The following ITCH variants were observed in gnomAD, a reference collection of about 807,000 sequenced individuals.
The protein encoded by ITCH is E3 ubiquitin-protein ligase Itchy homolog.
In ITCH, 28 loss-of-function variants were observed where a neutral mutation model predicts 126.8. That is an observed-to-expected ratio of 0.22 (90% CI 0.16 to 0.30). The LOEUF (loss-of-function observed/expected upper bound fraction) is 0.30. ITCH is among the 10% of genes least tolerant of loss of function. The pLI is 1.00. For missense variants in ITCH, 631 were observed against 1,032.4 expected (o/e 0.61, Z 5.33); for synonymous variants, 342 against 340.0 (o/e 1.01, Z -0.06).
intron 2 of ITCH, chr20:34,384,248 G>A (rs2038183089): frequency 3.3e-5 from 1 of 30,132 alleles, no homozygotes; most frequent in Non-Finnish European, 5.9e-5. Context: ...AAATACCAGT[G>A]CAGCAGTTGG....
chr20:34,489,442 G>A (rs909975168), intron 21 of ITCH, 56 bp downstream of exon 21: 2 of 1,535,708 alleles, frequency 1.3e-6, no homozygotes, highest in Non-Finnish European at 1.8e-6. Context: ...GCCTTAAGTT[G>A]TCTGCTTTTA....
chr20:34,487,245 C>G (rs925548143), intron 20 of ITCH, among the ~76,000 whole-genome samples: 1 of 152,038 alleles, frequency 6.6e-6, no homozygotes, highest in Admixed American at 6.5e-5. Context: ...ATCTCCTGAC[C>G]TCGTGATCCC....
chr20:34,398,343 G>A (rs1317574768), intron 3 of ITCH, among the ~76,000 whole-genome samples: 1 of 151,562 alleles, frequency 6.6e-6, no homozygotes, highest in Non-Finnish European at 1.5e-5. Flanking sequence ...TATTAGAGGT[G>A]TGAGCCACCT....
chr20:34,506,552 T>A (rs993539188), intron 24 of ITCH, among the ~76,000 whole-genome samples: 8 of 152,162 alleles, frequency 5.3e-5, no homozygotes, highest in African/African-American at 1.7e-4. Context: ...ATAACTATTG[T>A]GAACTGTGCA....
chr20:34,444,473 C>T lies in ITCH; in HGVS notation c.966-814C>T, dbSNP rs555903886. Among the ~76,000 whole-genome samples the T allele has an allele frequency of 5.3e-5, 8 of 152,172 alleles. No homozygotes were observed. The East Asian group carries it at 1.4e-3, about 26-fold the overall frequency. ...TGACGCATGCCTGTAATCACAGCTA[C>T]TCAGGAGGCTGAGGCAGGAGAATCG... On this transcript the variant is annotated intron_variant, in intron 10 of 24. Transcript: ENST00000374864.
At chr20:34,430,001 A>G (rs1982071842) in intron 7 of ITCH, among the ~76,000 whole-genome samples, 1 of 152,232 alleles carries the variant, frequency 6.6e-6, no homozygotes, top group South Asian at 2.1e-4. Flanking sequence ...GAAATCTTTA[A>G]TCATAATATT....
chr20:34,433,719 A>C (rs552137219), intron 7 of ITCH, among the ~76,000 whole-genome samples: 1 of 152,108 alleles, frequency 6.6e-6, no homozygotes, highest in East Asian at 1.9e-4. Context: ...TAGTATGTCT[A>C]TATATAATTT....
At chr20:34,446,390 C>G (rs573509022) in intron 11 of ITCH, among the ~76,000 whole-genome samples, 2 of 152,176 alleles carry the variant, frequency 1.3e-5, no homozygotes, top group South Asian at 4.2e-4. Context: ...AGTTTTATCC[C>G]TTTTCTTCAT....
chr20:34,365,124 CG>C (rs903195080), intron 1 of ITCH, among the ~76,000 whole-genome samples: 35 of 151,696 alleles, frequency 2.3e-4, no homozygotes, highest in Admixed American at 1.5e-3. Context: ...CACCTGATTC[CG>C]GGGGGTCGAG....
intron 23 of ITCH, among the ~76,000 whole-genome samples, chr20:34,500,305 G>A (rs1990167115): frequency 6.6e-6 from 1 of 152,170 alleles, no homozygotes; most frequent in Non-Finnish European, 1.5e-5. Flanking sequence ...ATTGGAGTCT[G>A]TCTTTCCCTT....
chr20:34,419,208 C>T (rs1035776750), intron 6 of ITCH, among the ~76,000 whole-genome samples: 7 of 151,956 alleles, frequency 4.6e-5, no homozygotes, highest in African/African-American at 9.7e-5. Context: ...TTACAAAGCC[C>T]GTTGTTATAT....
intron 11 of ITCH, among the ~76,000 whole-genome samples, chr20:34,447,690 G>T (rs1984631667): frequency 1.3e-5 from 2 of 152,136 alleles, no homozygotes; most frequent in Admixed American, 1.3e-4. Context: ...TCTGTAACTT[G>T]GGCTCAGACC....
intron 8 of ITCH, among the ~76,000 whole-genome samples, chr20:34,439,398 G>A (rs192955565): frequency 4.6e-5 from 7 of 152,108 alleles, no homozygotes; most frequent in Admixed American, 2.6e-4. Context: ...TCAGCCTCCC[G>A]AGTAGCTGGT....
chr20:34,376,152 C>G (rs1180162264), intron 2 of ITCH, among the ~76,000 whole-genome samples: 1 of 152,082 alleles, frequency 6.6e-6, no homozygotes, highest in Non-Finnish European at 1.5e-5. Context: ...AACCTCTGAT[C>G]TGGGGCTTGA....
intron 20 of ITCH, among the ~76,000 whole-genome samples, chr20:34,488,323 A>G (rs1989277266): frequency 6.6e-6 from 1 of 152,124 alleles, no homozygotes; most frequent in Non-Finnish European, 1.5e-5. Context: ...TTAGAATTCT[A>G]GGTTTATAAA....
chr20:34,453,374 G>A (rs1249449728), intron 12 of ITCH, among the ~76,000 whole-genome samples: 5 of 152,220 alleles, frequency 3.3e-5, no homozygotes, highest in Admixed American at 3.3e-4. Flanking sequence ...TACTTTGGGA[G>A]GCCAAGGCTT....
intron 16 of ITCH, among the ~76,000 whole-genome samples, chr20:34,477,233 TTAAAAA>T (rs1458749648): frequency 6.6e-6 from 1 of 152,158 alleles, no homozygotes; most frequent in Non-Finnish European, 1.5e-5. Context: ...AGTAGCATCA[TTAAAAA>T]TAAAATCACG....
intron 14 of ITCH, 47 bp from the exon 15 acceptor site, chr20:34,470,001 T>C (rs1987464590): frequency 1.3e-6 from 2 of 1,484,678 alleles, no homozygotes; most frequent in Admixed American, 1.7e-5. Context: ...CAGCATTATC[T>C]TTTACAAGCA....
intron 3 of ITCH, among the ~76,000 whole-genome samples, chr20:34,396,597 C>T (rs1392359292): frequency 6.6e-6 from 1 of 151,604 alleles, no homozygotes; most frequent in Non-Finnish European, 1.5e-5. Flanking sequence ...CAATCTCTAA[C>T]TTCTAGGCTG....
Sources: gnomAD v4.1 joint callset for allele counts (sites outside exome capture counted in the v4.1 genomes callset) on GRCh38, gnomAD v4.1.1 for gene constraint, MANE v1.5 for transcripts, NCBI Gene and HGNC (gene_info 2026-07-23, HGNC 2026-07-21) for gene names.